The following ZFAND2A variants were observed in gnomAD, a reference collection of about 807,000 sequenced individuals.
ZFAND2A encodes the protein zinc finger AN1-type containing 2A.
A neutral mutation model predicts 11.6 loss-of-function variants in ZFAND2A; 20 were observed. The ratio of observed to expected loss-of-function variants is 1.72; its 90% CI spans 1.21 to 2.50. ZFAND2A has a LOEUF of 2.50. Ranked by LOEUF, ZFAND2A falls within the 30% of genes most tolerant of loss-of-function variation. The probability of loss-of-function intolerance (pLI) is 0.00; values close to 1 mark genes in which losing one functional copy is unlikely to be tolerated. For synonymous variants in ZFAND2A, 93 were observed against 60.6 expected, an observed-to-expected ratio of 1.54 and a Z score of -2.48; for missense variants, 234 against 182.9, an observed-to-expected ratio of 1.28 and a Z score of -1.61.
downstream of ZFAND2A, chr7:1,152,323 A>G: frequency 2.5e-6 from 4 of 1,578,440 alleles, no homozygotes; most frequent in Non-Finnish European, 3.4e-6. Flanking sequence ...GCCTGGATTC[A>G]GAGACTGTCA....
Position 1,160,151 on chromosome 7 carries a change from C to A in ZFAND2A, c.-233G>T, listed in dbSNP as rs71518378. On this transcript the variant is annotated 5_prime_UTR_variant, in exon 1 of 5. Transcript: ENST00000316495. ...GCAACATCTCGCTGCCCGCGGCCTA[C>A]GGGGATTTATCCGCAGCCCCCGGAT... The A allele has an allele frequency of 0.53, 80,925 of 151,964 alleles. 22,127 individuals are homozygous for A. The highest frequency in any genetic ancestry group is 0.59 in the Non-Finnish European group (39,864 of 67,846). The allele number at this position is 151,964 out of a possible 1,614,324, so 9.4% of individuals were successfully genotyped here.
downstream of ZFAND2A, among the ~76,000 whole-genome samples, chr7:1,151,762 T>TAAAAGAAAAA (rs1554344525): frequency 5.7e-5 from 5 of 87,178 alleles, no homozygotes; most frequent in East Asian, 2.5e-4. Flanking sequence ...TCATCCCTTT[T>TAAAAGAAAAA]AAAAAAAAAA....
chr7:1,152,644 C>G (rs1793421463), downstream of ZFAND2A, among the ~76,000 whole-genome samples: 1 of 152,090 alleles, frequency 6.6e-6, no homozygotes, highest in South Asian at 2.1e-4. Context: ...GACCAGCATC[C>G]TTACAAAAAG....
intron 2 of ZFAND2A, 97 bp downstream of exon 2, chr7:1,158,061 C>T (rs1362333079): frequency 2.4e-6 from 3 of 1,230,370 alleles, no homozygotes; most frequent in Non-Finnish European, 2.4e-6. Context: ...ACTGAGGAGC[C>T]AGGAAGGCCA....
intron 3 of ZFAND2A, among the ~76,000 whole-genome samples, chr7:1,156,234 TG>T (rs767616497): frequency 8.7e-4 from 17 of 19,528 alleles, no homozygotes; most frequent in South Asian, 1.9e-3. Context: ...GCCCAGCAGC[TG>T]AAGGCCCAGC....
At chr7:1,149,682 G>A (rs150523372), downstream of ZFAND2A, among the ~76,000 whole-genome samples, 4 of 152,190 alleles carry the variant, frequency 2.6e-5, no homozygotes, top group South Asian at 6.2e-4. Context: ...ATAGCCTGTG[G>A]CTCCCAGGCT....
intron 3 of ZFAND2A, chr7:1,157,407 C>T (rs1455864895): frequency 1.4e-5 from 5 of 352,536 alleles, no homozygotes; most frequent in Non-Finnish European, 2.6e-5. Flanking sequence ...TAAGTGACTC[C>T]ATGAGTCCCT....
chr7:1,155,957 C>T (rs921220885), intron 3 of ZFAND2A, among the ~76,000 whole-genome samples: 8 of 152,230 alleles, frequency 5.3e-5, no homozygotes, highest in African/African-American at 9.6e-5. Context: ...CAGTCGCCAA[C>T]GGCCTGATCC....
chr7:1,152,849 A>G, downstream of ZFAND2A: 1 of 733,954 alleles, frequency 1.4e-6, no homozygotes, highest in Admixed American at 2.2e-5. Flanking sequence ...CTATGGTTTG[A>G]GCCACCCAGT....
At chr7:1,150,378 G>A (rs553305161), downstream of ZFAND2A, among the ~76,000 whole-genome samples, 28 of 144,080 alleles carry the variant, frequency 1.9e-4, no homozygotes, top group African/African-American at 5.4e-4. Context: ...GGGACATCTG[G>A]TGGGCACAGC....
downstream of ZFAND2A, among the ~76,000 whole-genome samples, chr7:1,149,384 T>C (rs1173171953): frequency 6.6e-6 from 1 of 152,142 alleles, no homozygotes; most frequent in Non-Finnish European, 1.5e-5. Context: ...ACCAGACGTG[T>C]CACCCGGGCA....
downstream of ZFAND2A, among the ~76,000 whole-genome samples, chr7:1,149,059 AG>A (rs1272007902): frequency 6.6e-6 from 1 of 151,882 alleles, no homozygotes; most frequent in Non-Finnish European, 1.5e-5. Context: ...CAGCCTCCCA[AG>A]GTACTGCGAT....
At chr7:1,155,759 T>G in intron 3 of ZFAND2A, 175 bp from the exon 4 acceptor site, 3 of 730,120 alleles carry the variant, frequency 4.1e-6, no homozygotes, top group Non-Finnish European at 6.2e-6. Flanking sequence ...CAGCCATCTC[T>G]AGAATGTGGG....
Position 1,153,093 on chromosome 7 carries a change from A to G in ZFAND2A, c.414T>C (p.Ser138=). 6.2e-7 allele frequency: 1 copy of G among 1,613,706 alleles called. No individual in the cohort carries two copies. Among genetic ancestry groups the G allele is most frequent in the South Asian group, 1.1e-5 (1 of 91,026 alleles). The change falls in exon 5 of 5, where the codon AGT becomes AGC. Residue 138 remains serine, a synonymous_variant. Coordinates refer to ENST00000316495, the MANE Select transcript of ZFAND2A (RefSeq NM_182491.4). ...HPLDHSCRHG[S]RPTIKAG ...CTCACCCAGCTTTGATGGTGGGGCG[A>G]CTCCCGTGTCTGCAGCTGTGGTCCA...
chr7:1,159,750 C>G (rs1156641886), intron 1 of ZFAND2A, among the ~76,000 whole-genome samples: 35 of 105,160 alleles, frequency 3.3e-4, no homozygotes, highest in Admixed American at 1.3e-3. Context: ...CCGGCAGGCC[C>G]GGTCCCCAGC....
chr7:1,159,505 T>C lies in ZFAND2A; in HGVS notation c.-46+459A>G, dbSNP rs1465571831. 2.1e-4 allele frequency among the ~76,000 whole-genome samples: 21 copies of C among 101,458 alleles called. 1 individual carries two copies. The East Asian group carries it at 4.9e-3, about 24-fold the overall frequency. The allele number at this position is 101,458 out of a possible 152,430, so 66.6% of individuals were successfully genotyped here. On this transcript the variant is annotated intron_variant, in intron 1 of 4. Transcript: ENST00000316495. The stretch of plus-strand genomic sequence containing the variant: ...AGCAGCCAGACCCCGGCAGGCCCGG[T>C]CCCCAGCAGACAGCCGGACCCCCAA...
At chr7:1,152,442 A>C (rs1479813257), downstream of ZFAND2A, 25 of 1,390,466 alleles carry the variant, frequency 1.8e-5, no homozygotes, top group Non-Finnish European at 2.4e-5. Context: ...GGCCTGGCCC[A>C]GGGATGGACG....
chr7:1,152,145 G>C (rs1331133208), downstream of ZFAND2A: 8 of 1,377,442 alleles, frequency 5.8e-6, no homozygotes, highest in Non-Finnish European at 6.7e-6. Context: ...CGCACCACTG[G>C]AGCATCGCGT....
downstream of ZFAND2A, among the ~76,000 whole-genome samples, chr7:1,148,869 G>C (rs61494559): frequency 0.097 from 13,487 of 138,786 alleles, 1,103 homozygotes; most frequent in African/African-American, 0.23. Context: ...CTTGCTCTCT[G>C]TGACCCAGGC....
Sources: allele counts gnomAD v4.1 joint callset (sites outside exome capture counted in the v4.1 genomes callset), GRCh38; gene constraint gnomAD v4.1.1; transcripts MANE v1.5; gene names NCBI Gene and HGNC (gene_info 2026-07-23, HGNC 2026-07-21).